ECE1: variants seen among roughly 807,000 people sequenced by gnomAD.
The protein encoded by ECE1 is endothelin-converting enzyme 1.
A neutral mutation model predicts 98.6 loss-of-function variants in ECE1; 35 were observed. The ratio of observed to expected loss-of-function variants is 0.35; its 90% CI spans 0.27 to 0.47. The LOEUF is 0.47. ECE1 is among the 20% of genes least tolerant of loss of function. The pLI, the probability that ECE1 is intolerant of heterozygous loss-of-function variation, is 1.00. For missense variants in ECE1, 814 were observed against 1,025.3 expected, an observed-to-expected ratio of 0.79 and a Z score of 2.81; for synonymous variants, 394 against 407.1, an observed-to-expected ratio of 0.97 and a Z score of 0.39.
At chr1:21,231,273 A>G (rs895338063) in intron 14 of ECE1, among the ~76,000 whole-genome samples, 2 of 152,108 alleles carry the variant, frequency 1.3e-5, no homozygotes, top group Non-Finnish European at 2.9e-5. Flanking sequence ...TGGGTACCAC[A>G]TTTCCTCTAA....
chr1:21,306,520 A>G lies in ECE1; in HGVS notation c.4-16364T>C, dbSNP rs561663776. 7.9e-5 allele frequency among the ~76,000 whole-genome samples: 12 copies of G among 152,126 alleles called. No homozygotes were observed. The South Asian group carries it at 1.7e-3, about 21-fold the overall frequency. ...CCTGGCTAATTTTTGTATTTTTAGT[A>G]GGGACGGCGTTTCACCATGTTGGCC... On this transcript the variant is annotated intron_variant, in intron 1 of 18. Coordinates refer to the ECE1 transcript ENST00000415912.
chr1:21,336,862 C>T (rs1222538639), intron 1 of ECE1, among the ~76,000 whole-genome samples: 2 of 150,318 alleles, frequency 1.3e-5, no homozygotes, highest in Admixed American at 6.6e-5. Context: ...AGCGAGACTC[C>T]GTCTAAAAAA....
At position 21,327,661 on chromosome 1, in the gene ECE1, G is replaced by A. The variant is rs1487209515; in HGVS notation, c.3+17715C>T. Among the ~76,000 whole-genome samples the A allele has an allele frequency of 3.9e-5, 6 of 152,126 alleles. No homozygotes were observed. Among genetic ancestry groups the A allele is most frequent in the African/African-American group, 9.7e-5 (4 of 41,428 alleles). On this transcript the variant is annotated intron_variant, in intron 1 of 18. Transcript: ENST00000415912. The surrounding 1 kb of genome is among the most constrained non-coding windows in gnomAD (Gnocchi z 4.6). ...CCTCACCTGGTCTGCACGGCCCTGC[G>A]GGACCCAGCCCTGACCACCCTTCAG...
In ECE1 at chr1:21,319,938, G is replaced by A. The variant is rs1165743845; in HGVS notation, c.3+25438C>T. ...TCTTCTGTTTACACTCGGCAGCAGC[G>A]TCCCATCTTTTGACTTCCCTGGGCC... On this transcript the variant is annotated intron_variant, in intron 1 of 18. Transcript: ENST00000415912. This position sits in a 1 kb window ranked among gnomAD's most constrained non-coding sequence, Gnocchi z 4.4. Among the ~76,000 whole-genome samples the A allele has an allele frequency of 1.3e-5, 2 of 152,112 alleles. No individual in the cohort carries two copies. The highest frequency in any genetic ancestry group is 4.8e-5 in the African/African-American group (2 of 41,400).
At chr1:21,296,196 G>T (rs780366885) in intron 1 of ECE1, among the ~76,000 whole-genome samples, 1 of 152,138 alleles carries the variant, frequency 6.6e-6, no homozygotes, top group Non-Finnish European at 1.5e-5. Context: ...ACAGCAAGAA[G>T]TCAAATACGA....
chr1:21,276,651 G>C (rs984255189), intron 3 of ECE1, among the ~76,000 whole-genome samples: 9 of 151,828 alleles, frequency 5.9e-5, no homozygotes, highest in African/African-American at 2.2e-4. Flanking sequence ...GACATTCCCA[G>C]AGGCTGGCCT....
intron 1 of ECE1, chr1:21,299,740 T>C (rs1638443692): frequency 6.6e-6 from 1 of 152,242 alleles, no homozygotes; most frequent in African/African-American, 2.4e-5. Context: ...GTCTCCCTCA[T>C]AGGCTTGTGA....
Position 21,235,970 on chromosome 1 carries a change from A to C in ECE1, c.1489-43T>G. The C allele has an allele frequency of 1.3e-6, 2 of 1,593,560 alleles. No individual in the cohort carries two copies. Among genetic ancestry groups the C allele is most frequent in the Non-Finnish European group, 1.7e-6 (2 of 1,161,344 alleles). On this transcript the variant is annotated intron_variant, in intron 12 of 18. Transcript: ENST00000374893. The surrounding 1 kb of genome is among the most constrained non-coding windows in gnomAD (Gnocchi z 4.2). The stretch of plus-strand genomic sequence containing the variant: ...AGGAAGTGAGTGCCCGGCAACATCG[A>C]CCAGGCCAGCCTGAGCAACTTGGGT...
rs1569721607 is a variant in ECE1, at chr1:21,307,414, G to A, written c.4-17258C>T. ...CTCCCTCTGCATGGTGAGGGTGGCA[G>A]TGGCTTCCTTGCCGGGGGTTATGAG... is the stretch of plus-strand genomic sequence containing the variant. On this transcript the variant is annotated intron_variant, in intron 1 of 18. Coordinates refer to the ECE1 transcript ENST00000415912. This position sits in a 1 kb window ranked among gnomAD's most constrained non-coding sequence, Gnocchi z 4.2. Among the ~76,000 whole-genome samples the A allele has an allele frequency of 6.6e-6, 1 of 152,318 alleles. No individual in the cohort carries two copies. The highest frequency in any genetic ancestry group is 2.1e-4 in the South Asian group (1 of 4,832).
rs369568190 is a variant in ECE1 at position 21,225,979 on chromosome 1, G to C, written c.1850-539C>G. ...CAAAGTGCTGGGATTACAGGTGTGC[G>C]TCACCGTGCCTGGCTTATTTTCAAC... On this transcript the variant is annotated intron_variant, in intron 16 of 18. Transcript: ENST00000374893. This position sits in a 1 kb window ranked among gnomAD's most constrained non-coding sequence, Gnocchi z 5.3. 1.3e-5 allele frequency among the ~76,000 whole-genome samples: 2 copies of C among 151,960 alleles called. No individual in the cohort carries two copies. Among genetic ancestry groups the C allele is most frequent in the African/African-American group, 4.8e-5 (2 of 41,360 alleles).
chr1:21,287,439 T>C (rs932739290), intron 2 of ECE1, among the ~76,000 whole-genome samples: 16 of 152,184 alleles, frequency 1.1e-4, no homozygotes, highest in South Asian at 4.2e-4. Flanking sequence ...GGCAGGAGAA[T>C]TGCTTGAACC....
chr1:21,320,038 G>A (rs213018), intron 1 of ECE1, among the ~76,000 whole-genome samples: 2 of 152,068 alleles, frequency 1.3e-5, no homozygotes, highest in Non-Finnish European at 2.9e-5. Flanking sequence ...AAACAAAGGT[G>A]CATGCATAAA....
At chr1:21,274,521 T>C (rs376349285) in intron 3 of ECE1, among the ~76,000 whole-genome samples, 1 of 152,332 alleles carries the variant, frequency 6.6e-6, no homozygotes, top group South Asian at 2.1e-4. Flanking sequence ...ACAGTGATGA[T>C]GGCCATGGCT....
chr1:21,300,768 C>T (rs1274499211), intron 1 of ECE1, among the ~76,000 whole-genome samples: 8 of 151,990 alleles, frequency 5.3e-5, no homozygotes, highest in African/African-American at 9.7e-5. Context: ...TTCTGGTAGA[C>T]TTTTTTTTCT....
intron 8 of ECE1, among the ~76,000 whole-genome samples, chr1:21,249,835 G>A (rs530454436): frequency 6.6e-6 from 1 of 152,130 alleles, no homozygotes; most frequent in African/African-American, 2.4e-5. Flanking sequence ...GTGCAGTGGT[G>A]CGATCTCAGC....
chr1:21,275,752 C>T (rs2098245759), intron 3 of ECE1, among the ~76,000 whole-genome samples: 1 of 152,126 alleles, frequency 6.6e-6, no homozygotes, highest in African/African-American at 2.4e-5. Flanking sequence ...TATTCCTGGC[C>T]CAGGAAGTGC....
chr1:21,235,045 G>A lies in ECE1; in HGVS notation c.1566+805C>T, dbSNP rs889069910. Among the ~76,000 whole-genome samples the A allele has an allele frequency of 6.6e-6, 1 of 152,190 alleles. No homozygotes were observed. The highest frequency in any genetic ancestry group is 2.4e-5 in the African/African-American group (1 of 41,452). Reference sequence around the variant, plus strand: ...TTTTAAATGCCTGAATTCAGGCTGGGCATGGTGGCTCATGAATATGAGCCA... The same window carrying A: ...TTTTAAATGCCTGAATTCAGGCTGGACATGGTGGCTCATGAATATGAGCCA... On this transcript the variant is annotated intron_variant, in intron 13 of 18. Transcript: ENST00000374893. This position sits in a 1 kb window ranked among gnomAD's most constrained non-coding sequence, Gnocchi z 4.2.
chr1:21,236,936 T>A, intron 11 of ECE1, 92 bp from the exon 12 acceptor site: 1 of 1,213,186 alleles, frequency 8.2e-7, no homozygotes, highest in Admixed American at 1.7e-5. Flanking sequence ...TGGCCAGAGA[T>A]TAAACTCAAT....
intron 1 of ECE1, among the ~76,000 whole-genome samples, chr1:21,318,420 G>C (rs1638879275): frequency 1.3e-5 from 2 of 151,934 alleles, no homozygotes; most frequent in African/African-American, 4.8e-5. Context: ...TCCTGACCCT[G>C]TCCCACTCCC....
Sources: gnomAD v4.1 joint callset for allele counts (sites outside exome capture counted in the v4.1 genomes callset) on GRCh38, gnomAD v4.1.1 for gene constraint, Gnocchi (gnomAD v3.1) non-coding constraint, MANE v1.5 for transcripts, NCBI Gene and HGNC (gene_info 2026-07-23, HGNC 2026-07-21) for gene names.